Variants in INPP5A observed in about 807,000 individuals in gnomAD.
INPP5A encodes the protein inositol polyphosphate-5-phosphatase A.
A neutral mutation model predicts 65.2 loss-of-function variants in INPP5A; 14 were observed. The ratio of observed to expected loss-of-function variants is 0.21; its 90% CI spans 0.14 to 0.34. INPP5A has a LOEUF of 0.34. Ranked by LOEUF, INPP5A falls within the 10% of genes least tolerant of loss-of-function variation. The pLI, the probability that INPP5A is intolerant of heterozygous loss-of-function variation, is 1.00. For synonymous variants in INPP5A, 207 were observed against 208.3 expected (o/e 0.99, Z 0.05); for missense variants, 431 against 545.6 (o/e 0.79, Z 2.09).
chr10:132,654,402 C>A (rs543750088), intron 4 of INPP5A, among the ~76,000 whole-genome samples: 2 of 152,252 alleles, frequency 1.3e-5, no homozygotes, highest in African/African-American at 4.8e-5. Flanking sequence ...TGGTGCCAGG[C>A]GGGCCTGTCC....
At chr10:132,583,231 A>G (rs1450965044) in intron 1 of INPP5A, among the ~76,000 whole-genome samples, 10 of 152,180 alleles carry the variant, frequency 6.6e-5, no homozygotes, top group Admixed American at 1.3e-4. Context: ...GTTGTTTACT[A>G]TTAGTGAATG....
Position 132,629,387 on chromosome 10 carries a change from G to A in INPP5A, c.118-16481G>A, listed in dbSNP as rs146699072. On this transcript the variant is annotated intron_variant, in intron 2 of 15. Transcript: ENST00000368594. ...CATCCTCTCGAGCCAGGGCCCTGCA[G>A]CTGTTCAGTGTCTTCATGAACTTTC... is the stretch of plus-strand genomic sequence containing the variant. Among the ~76,000 whole-genome samples, 61 of 152,340 alleles carry A rather than the reference G, an allele frequency of 4.0e-4. No individual in the cohort carries two copies. The East Asian group carries it at 0.011, about 27-fold the overall frequency.
rs921193042 is a variant in INPP5A, at chr10:132,690,896, C to G, written c.370+441C>G. Among the ~76,000 whole-genome samples, 4 of 152,272 alleles carry G rather than the reference C, an allele frequency of 2.6e-5. No homozygotes were observed. In the South Asian group the frequency reaches 8.3e-4, roughly 32 times the overall value. ...AGACGCTCCGCTGACACAAGCTGTC[C>G]CCTCCTGTTCATTTCTTTGTCGGGG... On this transcript the variant is annotated intron_variant, in intron 5 of 15. Transcript: ENST00000368594.
intron 2 of INPP5A, among the ~76,000 whole-genome samples, chr10:132,609,088 G>A (rs544885735): frequency 3.4e-3 from 518 of 152,334 alleles, no homozygotes; most frequent in Admixed American, 5.7e-3. Context: ...ACGTGTGTGC[G>A]CATGTGTGTG....
At chr10:132,574,020 G>T (rs1467294373) in intron 1 of INPP5A, among the ~76,000 whole-genome samples, 15 of 85,272 alleles carry the variant, frequency 1.8e-4, no homozygotes, top group East Asian at 4.1e-4. Context: ...AGATGTTGGG[G>T]TGTACGTGCC....
At position 132,775,287 on chromosome 10, in the gene INPP5A, C is replaced by T. The variant is rs989384559; in HGVS notation, c.978-2384C>T. ...GTACGATTGTTCGCCCTATCACAGC[C>T]GCTCCCACGCTGTAGGCGCAGGTGC... On this transcript the variant is annotated intron_variant, in intron 12 of 15. Coordinates refer to ENST00000368594, the MANE Select transcript of INPP5A (RefSeq NM_005539.5). 6.6e-5 allele frequency among the ~76,000 whole-genome samples: 10 copies of T among 151,960 alleles called. No individual in the cohort carries two copies. In the South Asian group the frequency reaches 1.2e-3, roughly 19 times the overall value.
At chr10:132,726,215 C>T (rs1279394164) in intron 8 of INPP5A, among the ~76,000 whole-genome samples, 1 of 152,234 alleles carries the variant, frequency 6.6e-6, no homozygotes, top group African/African-American at 2.4e-5. Flanking sequence ...CACACGTATG[C>T]AGCCACTGTT....
rs1278614677 is a variant in INPP5A at position 132,575,903 on chromosome 10, A to G, written c.76-32012A>G. On this transcript the variant is annotated intron_variant, in intron 1 of 15. Transcript: ENST00000368594. The surrounding 1 kb of genome is among the most constrained non-coding windows in gnomAD (Gnocchi z 5.4). ...CCAAAGGACCTGCTTGATGCCACTG[A>G]CATCGCGGCTCTTGTGGACTGTGGA... 6.6e-6 allele frequency among the ~76,000 whole-genome samples: 1 copy of G among 152,118 alleles called. No individual in the cohort carries two copies. Among genetic ancestry groups the G allele is most frequent in the African/African-American group, 2.4e-5 (1 of 41,416 alleles).
At chr10:132,588,377 C>T (rs920403393) in intron 1 of INPP5A, among the ~76,000 whole-genome samples, 9 of 152,252 alleles carry the variant, frequency 5.9e-5, no homozygotes, top group African/African-American at 1.7e-4. Flanking sequence ...TCCTTTCTCA[C>T]GGGCCTTCCT....
At chr10:132,749,656 G>T (rs185486477) in intron 10 of INPP5A, 44 bp downstream of exon 10, 3 of 1,595,444 alleles carry the variant, frequency 1.9e-6, no homozygotes, top group Non-Finnish European at 2.6e-6. Context: ...CGGGGCCTGC[G>T]CAGGACTCTG....
At position 132,753,181 on chromosome 10, in the gene INPP5A, G is replaced by A. The variant is rs1444643748; in HGVS notation, c.903+3336G>A. Among the ~76,000 whole-genome samples the A allele has an allele frequency of 6.6e-6, 1 of 152,166 alleles. No individual in the cohort carries two copies. Among genetic ancestry groups the A allele is most frequent in the Non-Finnish European group, 1.5e-5 (1 of 68,022 alleles). ...CCGGGTGCCCTCGCACTTGCCCGAG[G>A]TGCCGGCATGCCGAGTCAGTTGTGC... On this transcript the variant is annotated intron_variant, in intron 11 of 15. Transcript: ENST00000368594. The surrounding 1 kb of genome is among the most constrained non-coding windows in gnomAD (Gnocchi z 5.3).
intron 1 of INPP5A, among the ~76,000 whole-genome samples, chr10:132,574,526 T>C (rs1289459355): frequency 6.6e-6 from 1 of 151,982 alleles, no homozygotes; most frequent in African/African-American, 2.4e-5. Flanking sequence ...AGGGCCGGCC[T>C]TGTTTCTGTT....
intron 1 of INPP5A, among the ~76,000 whole-genome samples, chr10:132,589,747 G>A (rs2071593551): frequency 6.6e-6 from 1 of 152,258 alleles, no homozygotes; most frequent in African/African-American, 2.4e-5. Context: ...CCTTCAGAGA[G>A]CAGACAGACC....
intron 12 of INPP5A, among the ~76,000 whole-genome samples, chr10:132,770,386 G>C (rs1846928027): frequency 6.6e-6 from 1 of 152,256 alleles, no homozygotes; most frequent in South Asian, 2.1e-4. Context: ...TGCATAGTCA[G>C]CCGGGGTTTG....
At chr10:132,646,270 T>C (rs1414232253) in intron 3 of INPP5A, among the ~76,000 whole-genome samples, 1 of 152,218 alleles carries the variant, frequency 6.6e-6, no homozygotes, top group Non-Finnish European at 1.5e-5. Flanking sequence ...CGTGTGTGTG[T>C]GTCTGAGGCC....
At chr10:132,559,429 A>G (rs1371269931) in intron 1 of INPP5A, among the ~76,000 whole-genome samples, 1 of 152,182 alleles carries the variant, frequency 6.6e-6, no homozygotes, top group African/African-American at 2.4e-5. Flanking sequence ...AGGTCGTGTG[A>G]CCTTCGCCCC....
intron 2 of INPP5A, among the ~76,000 whole-genome samples, chr10:132,634,493 G>A (rs1336201962): frequency 6.6e-6 from 1 of 152,286 alleles, no homozygotes; most frequent in Non-Finnish European, 1.5e-5. Context: ...GGTGTCAGAT[G>A]TGGTTTTCTG....
chr10:132,743,935 G>A (rs1846322653), intron 9 of INPP5A, among the ~76,000 whole-genome samples: 1 of 152,202 alleles, frequency 6.6e-6, no homozygotes, highest in Non-Finnish European at 1.5e-5. Flanking sequence ...CTGAGCGTGT[G>A]GTCCCGAATT....
chr10:132,586,470 C>T (rs1043457448), intron 1 of INPP5A, among the ~76,000 whole-genome samples: 3 of 152,216 alleles, frequency 2.0e-5, no homozygotes, highest in African/African-American at 7.2e-5. Context: ...CACGACACGC[C>T]GTTCCCCAGA....
Sources: allele counts gnomAD v4.1 joint callset (sites outside exome capture counted in the v4.1 genomes callset), GRCh38; gene constraint gnomAD v4.1.1; non-coding constraint Gnocchi (gnomAD v3.1); transcripts MANE v1.5; gene names NCBI Gene and HGNC (gene_info 2026-07-23, HGNC 2026-07-21).